The following TCTN3 variants were observed in gnomAD, a reference collection of about 807,000 sequenced individuals.
TCTN3 encodes tectonic-3.
In TCTN3, 57 loss-of-function variants were observed where a neutral mutation model predicts 71.3. The observed-to-expected ratio is 0.80, with a 90% CI of 0.65 to 1.00. The LOEUF is 1.00. Among genes scored for constraint, TCTN3 ranks in the 50% least tolerant of loss-of-function variants. The probability of loss-of-function intolerance (pLI) is 0.00; values close to 1 mark genes in which losing one functional copy is unlikely to be tolerated. For synonymous variants in TCTN3, 258 were observed against 267.8 expected, an observed-to-expected ratio of 0.96 and a Z score of 0.36; for missense variants, 696 against 719.9, an observed-to-expected ratio of 0.97 and a Z score of 0.38.
In TCTN3 at chr10:95,693,916, C is replaced by G; in HGVS notation, c.-17G>C. 1 of 1,551,496 alleles carries G rather than the reference C, an allele frequency of 6.4e-7. No homozygotes were observed. ...GGTGCGCATGGGGCATTCAGGGCCTCCGGGTCCGACGTAGGCCTCCGCGGT... is the reference window on the plus strand; with the variant it reads ...GGTGCGCATGGGGCATTCAGGGCCTGCGGGTCCGACGTAGGCCTCCGCGGT... On this transcript the variant is annotated 5_prime_UTR_variant, in exon 1 of 14. Transcript: ENST00000371217.
At position 95,680,462 on chromosome 10, in the gene TCTN3, C is replaced by A; in HGVS notation, c.1590+10G>T. 1 of 1,607,430 alleles carries A rather than the reference C, an allele frequency of 6.2e-7. No individual in the cohort carries two copies. The highest frequency in any genetic ancestry group is 8.5e-7 in the Non-Finnish European group (1 of 1,177,678). ...CAAGGTTTAGTGATCCTTTATGAGC[C>A]ATGACTTACCTGTATAGACTGGCAC... On this transcript the variant is annotated intron_variant, in intron 13 of 13. Transcript: ENST00000371217.
At chr10:95,671,839 G>T (rs527617372) in intron 13 of TCTN3, among the ~76,000 whole-genome samples, 1 of 152,016 alleles carries the variant, frequency 6.6e-6, no homozygotes, top group African/African-American at 2.4e-5. Context: ...CAGGTGATCC[G>T]CCCGCCTTGG....
In TCTN3 at chr10:95,684,643, C is replaced by A; in HGVS notation, c.970-19G>T. ...AGGTGACCTGAAATGCAAAAAGAATCAATTAATAAAAAGTAGTTATTGGGC... is the reference window on the plus strand; with the variant it reads ...AGGTGACCTGAAATGCAAAAAGAATAAATTAATAAAAAGTAGTTATTGGGC... On this transcript the variant is annotated intron_variant, in intron 8 of 13. Coordinates refer to ENST00000371217, the MANE Select transcript of TCTN3 (RefSeq NM_015631.6). The A allele has an allele frequency of 6.2e-7, 1 of 1,611,480 alleles. No individual in the cohort carries two copies. Among genetic ancestry groups the A allele is most frequent in the South Asian group, 1.1e-5 (1 of 90,732 alleles).
intron 3 of TCTN3, 142 bp downstream of exon 3, chr10:95,692,774 TTTTG>T: frequency 1.6e-6 from 1 of 625,332 alleles, no homozygotes; most frequent in Non-Finnish European, 2.8e-6. Flanking sequence ...TTTGCTTTTT[TTTTG>T]TTGTTGTTTT....
Position 95,663,829 on chromosome 10 carries a change from A to G in TCTN3, c.*238T>C. The G allele has an allele frequency of 2.3e-6, 1 of 433,262 alleles. No individual in the cohort carries two copies. Among genetic ancestry groups the G allele is most frequent in the Non-Finnish European group, 4.2e-6 (1 of 238,572 alleles). The allele number at this position is 433,262 out of a possible 1,614,324, so 26.8% of individuals were successfully genotyped here. A position where few individuals can be genotyped will look rare whatever the true frequency, so the allele number is the denominator to read the frequency against. On this transcript the variant is annotated 3_prime_UTR_variant, in exon 14 of 14. Transcript: ENST00000371217. ...TCTTGGCCTTCCCAGCTTGAGAAGTAGGGGCCTCATGTGTATCTGGTGGCC... is the reference window on the plus strand; with the variant it reads ...TCTTGGCCTTCCCAGCTTGAGAAGTGGGGGCCTCATGTGTATCTGGTGGCC...
rs755194334 is a variant in TCTN3 at position 95,687,327 on chromosome 10, G to A, written c.656C>T (p.Pro219Leu). 1.2e-6 allele frequency: 2 copies of A among 1,613,896 alleles called. No homozygotes were observed. The highest frequency in any genetic ancestry group is 2.2e-5 in the South Asian group (2 of 91,002). Reference sequence around the variant, plus strand: ...CAGCAAGCTTATTACAGACCACTTGGGGAAGTAAGTAAGAATGGGGTCCCC... The same window carrying A: ...CAGCAAGCTTATTACAGACCACTTGAGGAAGTAAGTAAGAATGGGGTCCCC... ...RAGDPILTYF[P>L]KWSVISLLRQ... The change falls in exon 5 of 14, where the codon CCC (proline) becomes CTC (leucine). Residue 219 changes from proline (P) to leucine (L), a missense_variant. Coordinates refer to ENST00000371217, the MANE Select transcript of TCTN3 (RefSeq NM_015631.6).
intron 13 of TCTN3, among the ~76,000 whole-genome samples, chr10:95,665,182 C>T (rs563453414): frequency 6.6e-6 from 1 of 152,284 alleles, no homozygotes; most frequent in African/African-American, 2.4e-5. Flanking sequence ...AATCATCACT[C>T]ACTGCAGCCT....
intron 13 of TCTN3, among the ~76,000 whole-genome samples, chr10:95,665,372 G>A (rs1211377569): frequency 2.0e-5 from 3 of 152,140 alleles, no homozygotes; most frequent in Admixed American, 6.5e-5. Context: ...TCTGCCTCCC[G>A]GGTTCAAGTG....
In TCTN3 at chr10:95,663,962, TA is replaced by T; in HGVS notation, c.*104del. 1.1e-6 allele frequency: 1 copy of T among 882,808 alleles called. No homozygotes were observed. The highest frequency in any genetic ancestry group is 1.8e-6 in the Non-Finnish European group (1 of 545,364). The allele number at this position is 882,808 out of a possible 1,614,324, so 54.7% of individuals were successfully genotyped here. The stretch of plus-strand genomic sequence containing the variant: ...CCTTCAGTTAGGTCCTCTATTATCC[TA>T]AATGCTCTCTGGTCATGAGCAGGTG... On this transcript the variant is annotated 3_prime_UTR_variant, in exon 14 of 14. Transcript: ENST00000371217.
At chr10:95,670,547 T>C (rs2097930019) in intron 13 of TCTN3, among the ~76,000 whole-genome samples, 1 of 151,622 alleles carries the variant, frequency 6.6e-6, no homozygotes, top group Admixed American at 6.6e-5. Context: ...TTTTTTTTTT[T>C]AGTAGAGATG....
Position 95,682,782 on chromosome 10 carries a change from G to A in TCTN3, c.1321C>T (p.His441Tyr). 6.2e-7 allele frequency: 1 copy of A among 1,613,970 alleles called. No homozygotes were observed. Among genetic ancestry groups the A allele is most frequent in the Non-Finnish European group, 8.5e-7 (1 of 1,179,960 alleles). ...GTCTGATAAATCTCCTGCTGCAAGTGGCTGCAGTCTGCCTTCTTCAACCTA... is the reference window on the plus strand; with the variant it reads ...GTCTGATAAATCTCCTGCTGCAAGTAGCTGCAGTCTGCCTTCTTCAACCTA... ...KLRLKKADCS[H>Y]LQQEIYQTLH... Residue 441 changes from histidine (H) to tyrosine (Y), a missense_variant, in exon 12 of 14, where the codon CAC (histidine) becomes TAC (tyrosine). Physicochemically the swap from His to Tyr is moderately conservative, Grantham distance 83 (BLOSUM62 2). Coordinates refer to ENST00000371217, the MANE Select transcript of TCTN3 (RefSeq NM_015631.6).
At chr10:95,691,304 T>C (rs1308798789) in intron 3 of TCTN3, among the ~76,000 whole-genome samples, 2 of 152,022 alleles carry the variant, frequency 1.3e-5, no homozygotes, top group Admixed American at 1.3e-4. Flanking sequence ...AGGTGCCCAC[T>C]ACCATGCCTG....
At chr10:95,667,309 A>G (rs2097926630) in intron 13 of TCTN3, among the ~76,000 whole-genome samples, 1 of 152,192 alleles carries the variant, frequency 6.6e-6, no homozygotes, top group Non-Finnish European at 1.5e-5. Context: ...CTCCAATCCA[A>G]CAAGAAACAG....
Position 95,682,674 on chromosome 10 carries a change from G to A in TCTN3, c.1429C>T (p.Leu477Phe). 8 of 1,613,864 alleles carry A rather than the reference G, an allele frequency of 5.0e-6. No individual in the cohort carries two copies. Among genetic ancestry groups the A allele is most frequent in the Non-Finnish European group, 5.9e-6 (7 of 1,179,912 alleles). The change falls in exon 12 of 14, where the codon CTC becomes TTC. Residue 477 changes from leucine (L) to phenylalanine (F), a missense_variant. Physicochemically the swap from Leu to Phe is conservative, Grantham distance 22. Transcript: ENST00000371217. ...PAQKGGWTRI[L>F]NRHCSISAIN... ...ACTGAAATGCTGCAGTGCCTGTTGA[G>A]GATCCTGGTCCACCCTCCTTTCTGG...
At chr10:95,677,474 GTTTTTTTTGTTTT>G (rs1344808320) in intron 13 of TCTN3, among the ~76,000 whole-genome samples, 2,202 of 80,780 alleles carry the variant, frequency 0.027, 102 homozygotes, top group Middle Eastern at 0.068. Flanking sequence ...GAAGTCTACA[GTTTTTTTTGTTTT>G]TTTTTTTTTT....
rs1012355370 is a variant in TCTN3, at chr10:95,687,805, A to G, written c.500-86T>C. ...TTTTAAAAAATATTTTTATTGAAGC[A>G]TAATATACAGGGTGCAAATCTTAAG... On this transcript the variant is annotated intron_variant, in intron 3 of 13. Coordinates refer to ENST00000371217, the MANE Select transcript of TCTN3 (RefSeq NM_015631.6). The G allele has an allele frequency of 1.1e-5, 16 of 1,467,656 alleles. No individual in the cohort carries two copies. The East Asian group carries it at 2.4e-4, about 22-fold the overall frequency. The allele number at this position is 1,467,656 out of a possible 1,614,324, so 90.9% of individuals were successfully genotyped here. A position where few individuals can be genotyped will look rare whatever the true frequency, so the allele number is the denominator to read the frequency against.
intron 13 of TCTN3, among the ~76,000 whole-genome samples, chr10:95,674,964 T>C (rs956155407): frequency 6.6e-6 from 1 of 152,242 alleles, no homozygotes; most frequent in African/African-American, 2.4e-5. Flanking sequence ...TGAAAATCTT[T>C]AAATTCCCTA....
At chr10:95,678,867 G>C (rs544383799) in intron 13 of TCTN3, among the ~76,000 whole-genome samples, 1 of 152,094 alleles carries the variant, frequency 6.6e-6, no homozygotes, top group Non-Finnish European at 1.5e-5. Context: ...GGAGCATAGC[G>C]TCTTTCATGG....
intron 13 of TCTN3, among the ~76,000 whole-genome samples, chr10:95,676,915 T>C (rs766122864): frequency 2.6e-5 from 4 of 152,172 alleles, no homozygotes; most frequent in Non-Finnish European, 5.9e-5. Context: ...TTCCATTTTA[T>C]AGAAGAGAAA....
Sources: allele counts gnomAD v4.1 joint callset (sites outside exome capture counted in the v4.1 genomes callset), GRCh38; gene constraint gnomAD v4.1.1; transcripts MANE v1.5; gene names NCBI Gene and HGNC (gene_info 2026-07-23, HGNC 2026-07-21).